CERS6: variants seen among roughly 807,000 people sequenced by gnomAD.
CERS6 encodes ceramide synthase 6, also known as LAG1 homolog, ceramide synthase 6.
Under a neutral mutation model 56.8 loss-of-function variants are expected in CERS6, and 26 were observed. The observed-to-expected ratio is 0.46, with a 90% CI of 0.34 to 0.63. CERS6 has a LOEUF of 0.63. CERS6 is among the 30% of genes least tolerant of loss of function. CERS6 has a pLI of 0.01. For synonymous variants in CERS6, 164 were observed against 173.3 expected, an observed-to-expected ratio of 0.95 and a Z score of 0.42; for missense variants, 415 against 467.5, an observed-to-expected ratio of 0.89 and a Z score of 1.04.
At chr2:168,653,059 G>A (rs1685383839) in intron 4 of CERS6, among the ~76,000 whole-genome samples, 1 of 152,178 alleles carries the variant, frequency 6.6e-6, no homozygotes, top group African/African-American at 2.4e-5. Context: ...TTCTCTAAAG[G>A]TAGCTGGGCA....
intron 4 of CERS6, among the ~76,000 whole-genome samples, chr2:168,683,002 T>C (rs1207815336): frequency 6.6e-6 from 1 of 152,226 alleles, no homozygotes; most frequent in East Asian, 1.9e-4. Context: ...TATGTATAAA[T>C]TCCTCTACAT....
At chr2:168,567,983 C>T (rs535525467) in intron 3 of CERS6, among the ~76,000 whole-genome samples, 5 of 152,222 alleles carry the variant, frequency 3.3e-5, no homozygotes, top group African/African-American at 1.2e-4. Context: ...TTGTCCCCCT[C>T]GTTCTATTCT....
At chr2:168,666,069 CT>C (rs1388519820) in intron 4 of CERS6, among the ~76,000 whole-genome samples, 1 of 151,922 alleles carries the variant, frequency 6.6e-6, no homozygotes, top group Admixed American at 6.6e-5. Context: ...TCATCACCCC[CT>C]GACCCCTGCA....
At chr2:168,466,158 T>A (rs1693870899) in intron 1 of CERS6, among the ~76,000 whole-genome samples, 1 of 152,158 alleles carries the variant, frequency 6.6e-6, no homozygotes, top group Non-Finnish European at 1.5e-5. Context: ...CCCGTTTTTT[T>A]AGAAGGCACT....
At chr2:168,591,077 T>A (rs1365700382) in intron 3 of CERS6, among the ~76,000 whole-genome samples, 1 of 152,242 alleles carries the variant, frequency 6.6e-6, no homozygotes, top group East Asian at 1.9e-4. Flanking sequence ...TAATATTATC[T>A]AGGACTAGTC....
rs1553517052 is a variant in CERS6 at position 168,760,766 on chromosome 2, A to ATTTTTTTTTTT, written c.846-4819_846-4818insTTTTTTTTTTT. On this transcript the variant is annotated intron_variant, in intron 8 of 9. Coordinates refer to ENST00000305747, the MANE Select transcript of CERS6 (RefSeq NM_203463.3). ...TATTTATTTATTTATTTATTTATTT[A>ATTTTTTTTTTT]TTTTTTTGAGACGGAGTCTTGCTCT... Among the ~76,000 whole-genome samples, 197 of 127,234 alleles carry ATTTTTTTTTTT rather than the reference A, an allele frequency of 1.5e-3. 2 individuals are homozygous for ATTTTTTTTTTT. The highest frequency in any genetic ancestry group is 4.7e-3 in the African/African-American group (185 of 38,964). 83.5% of individuals were successfully genotyped at this position (127,234 alleles called of 152,430 possible). A position where few individuals can be genotyped will look rare whatever the true frequency, so the allele number is the denominator to read the frequency against.
intron 8 of CERS6, among the ~76,000 whole-genome samples, chr2:168,753,620 C>G (rs1003346621): frequency 6.6e-5 from 10 of 152,156 alleles, no homozygotes; most frequent in African/African-American, 2.4e-4. Context: ...CTCTTGCCAA[C>G]CTAAAGATAA....
intron 1 of CERS6, among the ~76,000 whole-genome samples, chr2:168,496,054 T>C (rs994561960): frequency 2.6e-5 from 4 of 152,226 alleles, no homozygotes; most frequent in Admixed American, 6.5e-5. Context: ...TGCAACACAA[T>C]AGATGCTGTT....
chr2:168,710,735 A>G (rs890093834), intron 6 of CERS6, among the ~76,000 whole-genome samples: 1 of 152,250 alleles, frequency 6.6e-6, no homozygotes, highest in South Asian at 2.1e-4. Context: ...AACCTTAGGT[A>G]CTAACTGCAA....
intron 1 of CERS6, among the ~76,000 whole-genome samples, chr2:168,536,575 A>T (rs558461252): frequency 1.3e-5 from 2 of 152,300 alleles, no homozygotes; most frequent in South Asian, 4.1e-4. Context: ...CAAAATTTAT[A>T]AAACAAAAAA....
chr2:168,617,699 G>A (rs1042310986), intron 3 of CERS6, among the ~76,000 whole-genome samples: 2 of 151,864 alleles, frequency 1.3e-5, no homozygotes, highest in South Asian at 2.1e-4. Flanking sequence ...TAGACACCCT[G>A]AACGGACCAA....
intron 8 of CERS6, among the ~76,000 whole-genome samples, chr2:168,735,418 G>A (rs937657958): frequency 1.3e-5 from 2 of 152,092 alleles, no homozygotes; most frequent in Non-Finnish European, 2.9e-5. Context: ...TTTTTCTGGG[G>A]TAAGAGGGTG....
intron 4 of CERS6, among the ~76,000 whole-genome samples, chr2:168,685,125 C>CT (rs942590807): frequency 3.9e-5 from 6 of 152,088 alleles, no homozygotes; most frequent in African/African-American, 9.7e-5. Context: ...ATCAGCTGGG[C>CT]TTTGTGAAAG....
chr2:168,675,544 C>T (rs111726625), intron 4 of CERS6, among the ~76,000 whole-genome samples: 120 of 152,112 alleles, frequency 7.9e-4, no homozygotes, highest in Non-Finnish European at 1.4e-3. Flanking sequence ...CAAGATCATG[C>T]CACTGCATTG....
chr2:168,471,014 A>G (rs909718104), intron 1 of CERS6, among the ~76,000 whole-genome samples: 7 of 151,696 alleles, frequency 4.6e-5, no homozygotes, highest in Admixed American at 2.0e-4. Context: ...CAGGCTTACC[A>G]GTGTCAATAC....
chr2:168,643,771 G>C (rs1685102329), intron 4 of CERS6, among the ~76,000 whole-genome samples: 1 of 152,096 alleles, frequency 6.6e-6, no homozygotes, highest in African/African-American at 2.4e-5. Context: ...TCTGTCATCA[G>C]TTCGCCTTCT....
intron 1 of CERS6, among the ~76,000 whole-genome samples, chr2:168,465,011 C>T (rs1274830138): frequency 6.6e-6 from 1 of 152,178 alleles, no homozygotes; most frequent in Non-Finnish European, 1.5e-5. Context: ...CCATATGATA[C>T]AGCAATTTTA....
At chr2:168,660,046 A>G (rs142491127) in intron 4 of CERS6, among the ~76,000 whole-genome samples, 98 of 152,332 alleles carry the variant, frequency 6.4e-4, no homozygotes, top group African/African-American at 2.3e-3. Context: ...CCACTATAAC[A>G]GCAAGGGACA....
chr2:168,650,037 AG>A (rs1192978492), intron 4 of CERS6, among the ~76,000 whole-genome samples: 1 of 152,154 alleles, frequency 6.6e-6, no homozygotes, highest in African/African-American at 2.4e-5. Context: ...TTTAACAAAT[AG>A]GGGAAAAAAG....
Sources: allele counts gnomAD v4.1 joint callset (sites outside exome capture counted in the v4.1 genomes callset), GRCh38; gene constraint gnomAD v4.1.1; transcripts MANE v1.5; gene names NCBI Gene and HGNC (gene_info 2026-07-23, HGNC 2026-07-21).